The following EPRS1 variants were observed in gnomAD, a reference collection of about 807,000 sequenced individuals.
EPRS1 encodes the protein glutamyl-prolyl-tRNA synthetase 1.
In EPRS1, 107 loss-of-function variants were observed where a neutral mutation model predicts 188.3. The observed-to-expected ratio is 0.57, with a 90% CI of 0.49 to 0.67. EPRS1 has a LOEUF of 0.67. EPRS1 is among the 30% of genes least tolerant of loss of function. The pLI is 0.00. For synonymous variants in EPRS1, 596 were observed against 593.1 expected (o/e 1.00, Z -0.07); for missense variants, 1,577 against 1,802.2 (o/e 0.88, Z 2.26).
chr1:219,970,334 C>T (rs1660640630), intron 30 of EPRS1, among the ~76,000 whole-genome samples: 3 of 152,156 alleles, frequency 2.0e-5, no homozygotes, highest in African/African-American at 4.8e-5. Flanking sequence ...AAGGTGGAGA[C>T]CCAAGAGACA....
chr1:220,021,335 C>G (rs930738057), intron 9 of EPRS1, among the ~76,000 whole-genome samples: 2 of 151,906 alleles, frequency 1.3e-5, no homozygotes, highest in African/African-American at 4.8e-5. Context: ...ACTACTGAAG[C>G]GTGCCACCAT....
intron 12 of EPRS1, among the ~76,000 whole-genome samples, chr1:220,013,160 T>C (rs768687297): frequency 4.6e-5 from 7 of 152,186 alleles, no homozygotes; most frequent in Non-Finnish European, 7.4e-5. Context: ...AAAGTTAAAA[T>C]CTTAACACTT....
At chr1:220,029,729 G>A (rs17007084) in intron 6 of EPRS1, among the ~76,000 whole-genome samples, 3,056 of 152,302 alleles carry the variant, frequency 0.02, 94 homozygotes, top group African/African-American at 0.062. Flanking sequence ...CTATTATAAA[G>A]CTTGTCCAGT....
At chr1:220,024,498 A>AT (rs1259267632) in intron 7 of EPRS1, 42 bp from the exon 8 acceptor site, 7 of 1,458,726 alleles carry the variant, frequency 4.8e-6, no homozygotes, top group African/African-American at 1.4e-5. Context: ...TATCTTTTGC[A>AT]TTTTTTCGTG....
chr1:220,037,900 C>T (rs1207195818), intron 2 of EPRS1, among the ~76,000 whole-genome samples: 10 of 152,076 alleles, frequency 6.6e-5, no homozygotes, highest in Admixed American at 4.6e-4. Context: ...AGCAATTATA[C>T]TATGTGGCTC....
At chr1:220,010,417 G>A (rs1385333768) in intron 13 of EPRS1, among the ~76,000 whole-genome samples, 1 of 152,174 alleles carries the variant, frequency 6.6e-6, no homozygotes, top group Non-Finnish European at 1.5e-5. Flanking sequence ...TAACAGTTCT[G>A]TGTGATGTAC....
chr1:219,974,061 A>C (rs1416116141), intron 28 of EPRS1, among the ~76,000 whole-genome samples: 1 of 152,126 alleles, frequency 6.6e-6, no homozygotes, highest in Non-Finnish European at 1.5e-5. Context: ...CTCATGCCTC[A>C]GCCTCCCGAG....
chr1:220,045,199 A>G (rs568418488), intron 1 of EPRS1, among the ~76,000 whole-genome samples: 1 of 152,326 alleles, frequency 6.6e-6, no homozygotes, highest in African/African-American at 2.4e-5. Context: ...ATACATATGC[A>G]TTAACAAATA....
chr1:219,977,586 C>T (rs1480240336), intron 28 of EPRS1, among the ~76,000 whole-genome samples: 5 of 151,868 alleles, frequency 3.3e-5, no homozygotes, highest in Non-Finnish European at 7.4e-5. Flanking sequence ...CACACAATAG[C>T]TATTTATAAG....
chr1:220,038,388 A>ATCTTT (rs1553254499), intron 2 of EPRS1, among the ~76,000 whole-genome samples: 20 of 19,586 alleles, frequency 1.0e-3, no homozygotes, highest in Non-Finnish European at 1.6e-3. Context: ...AGCTCAGTTT[A>ATCTTT]TCTTTTTTTT....
chr1:220,011,923 T>C (rs1476585034), intron 12 of EPRS1, among the ~76,000 whole-genome samples: 1 of 152,202 alleles, frequency 6.6e-6, no homozygotes, highest in Non-Finnish European at 1.5e-5. Context: ...ATGGAAGTTA[T>C]TTTTTCTCAT....
chr1:219,996,254 CA>C (rs1661229516), intron 18 of EPRS1, among the ~76,000 whole-genome samples: 1 of 152,138 alleles, frequency 6.6e-6, no homozygotes, highest in Non-Finnish European at 1.5e-5. Flanking sequence ...ATACTTCAGT[CA>C]AAATGTCATA....
At chr1:219,984,662 A>C (rs1311843391) in intron 20 of EPRS1, among the ~76,000 whole-genome samples, 1 of 152,090 alleles carries the variant, frequency 6.6e-6, no homozygotes, top group Admixed American at 6.5e-5. Context: ...GCCTCATGCA[A>C]TCCTCCTGTT....
intron 20 of EPRS1, among the ~76,000 whole-genome samples, chr1:219,985,706 CAA>C (rs1660994586): frequency 6.6e-6 from 1 of 152,094 alleles, no homozygotes; most frequent in South Asian, 2.1e-4. Context: ...CGCCTGGCCT[CAA>C]GTTTTTCTTT....
intron 18 of EPRS1, 146 bp downstream of exon 18, chr1:219,996,837 G>A: frequency 2.2e-6 from 2 of 899,962 alleles, no homozygotes; most frequent in Non-Finnish European, 3.4e-6. Context: ...TATATTTTCA[G>A]AGCTTGGCAC....
chr1:220,028,154 A>C (rs542940804), intron 6 of EPRS1, among the ~76,000 whole-genome samples: 15 of 152,298 alleles, frequency 9.8e-5, no homozygotes, highest in African/African-American at 3.6e-4. Flanking sequence ...ATAAGTTCCC[A>C]GGAAGAAAAA....
chr1:220,041,590 C>T (rs1347021777), intron 1 of EPRS1, among the ~76,000 whole-genome samples: 1 of 152,112 alleles, frequency 6.6e-6, no homozygotes, highest in African/African-American at 2.4e-5. Flanking sequence ...CCTATAATCC[C>T]AGCACTTTGG....
intron 22 of EPRS1, 111 bp downstream of exon 22, chr1:219,983,078 T>G: frequency 1.1e-6 from 1 of 922,790 alleles, no homozygotes; most frequent in Non-Finnish European, 1.6e-6. Context: ...GAAACAGAAC[T>G]TTTTAATAAA....
At chr1:220,031,007 G>T (rs576242943) in intron 5 of EPRS1, among the ~76,000 whole-genome samples, 2 of 151,656 alleles carry the variant, frequency 1.3e-5, no homozygotes, top group Non-Finnish European at 2.9e-5. Context: ...CAGGAGAATC[G>T]CTTGAACCTG....
Sources: gnomAD v4.1 joint callset for allele counts (sites outside exome capture counted in the v4.1 genomes callset) on GRCh38, gnomAD v4.1.1 for gene constraint, MANE v1.5 for transcripts, NCBI Gene and HGNC (gene_info 2026-07-23, HGNC 2026-07-21) for gene names.